ALS2CL: variants seen among roughly 807,000 people sequenced by gnomAD.
ALS2CL encodes the protein ALS2 C-terminal-like protein.
A neutral mutation model predicts 127.9 loss-of-function variants in ALS2CL; 112 were observed. The ratio of observed to expected loss-of-function variants is 0.88; its 90% CI spans 0.75 to 1.02. ALS2CL has a LOEUF of 1.02. ALS2CL is among the 50% of genes least tolerant of loss of function. The pLI, the probability that ALS2CL is intolerant of heterozygous loss-of-function variation, is 0.00. For missense variants in ALS2CL, 1,174 were observed against 1,236.7 expected (o/e 0.95, Z 0.76); for synonymous variants, 519 against 527.6 (o/e 0.98, Z 0.22).
intron 19 of ALS2CL, chr3:46,675,918 T>C: frequency 7.0e-7 from 1 of 1,430,186 alleles, no homozygotes; most frequent in Non-Finnish European, 9.1e-7. Flanking sequence ...CAGTGTTTCA[T>C]GGGGTCACAG....
intron 6 of ALS2CL, among the ~76,000 whole-genome samples, chr3:46,685,887 C>T (rs1699730912): frequency 6.6e-6 from 1 of 152,216 alleles, no homozygotes. Flanking sequence ...TATCAGTCCT[C>T]TCCCAGTACT....
At chr3:46,692,103 C>G (rs1222925238) in intron 1 of ALS2CL, among the ~76,000 whole-genome samples, 1 of 152,116 alleles carries the variant, frequency 6.6e-6, no homozygotes, top group East Asian at 1.9e-4. Context: ...GAGGAACGGG[C>G]AGAAGTTAAG....
Position 46,685,622 on chromosome 3 carries a change from T to G in ALS2CL, c.689A>C (p.His230Pro). Residue 230 changes from histidine to proline, a missense_variant, in exon 7 of 26, where the codon CAC becomes CCC. His to Pro is a moderately conservative substitution (Grantham distance 77). Transcript: ENST00000318962. The stretch of plus-strand genomic sequence containing the variant: ...GTCCTGGCTGTCCTGAAGGAGTCTG[T>G]GAGCAGGGGTGCAGAGCACATCCTG... ...RLRDVLCTPA[H>P]RLLQDSQDVP... 1.9e-6 allele frequency: 3 copies of G among 1,613,740 alleles called. No homozygotes were observed. The highest frequency in any genetic ancestry group is 1.7e-4 in the Middle Eastern group (1 of 6,032).
At chr3:46,678,037 CA>C (rs1234967591) in intron 16 of ALS2CL, among the ~76,000 whole-genome samples, 1 of 148,234 alleles carries the variant, frequency 6.7e-6, no homozygotes, top group Non-Finnish European at 1.5e-5. Context: ...GCAAAGCCTA[CA>C]AATAATATTT....
rs1193004411 is a variant in ALS2CL, at chr3:46,675,698, T to C, written c.2187-12A>G. On this transcript the variant is annotated splice_polypyrimidine_tract_variant and intron_variant, in intron 19 of 25. Transcript: ENST00000318962. The stretch of plus-strand genomic sequence containing the variant: ...CTCGCAGCAGACCCCTGTGAGTCAA[T>C]GAGAGAGAAATGGTGTGGCTGCCCC... 1.2e-6 allele frequency: 2 copies of C among 1,613,166 alleles called. No homozygotes were observed. The highest frequency in any genetic ancestry group is 1.1e-5 in the South Asian group (1 of 91,086).
At chr3:46,684,740 C>T (rs1353567241) in intron 7 of ALS2CL, among the ~76,000 whole-genome samples, 1 of 152,176 alleles carries the variant, frequency 6.6e-6, no homozygotes, top group African/African-American at 2.4e-5. Context: ...AGAGGGCTAG[C>T]ACAGGGAAGG....
chr3:46,673,212 TCCCA>T, intron 22 of ALS2CL, 123 bp downstream of exon 22: 1 of 785,426 alleles, frequency 1.3e-6, no homozygotes, highest in Non-Finnish European at 1.9e-6. Context: ...CAGTGTCTCC[TCCCA>T]ACCCACCCTG....
At chr3:46,676,510 G>C in intron 18 of ALS2CL, 108 bp from the exon 19 acceptor site, 2 of 1,544,136 alleles carry the variant, frequency 1.3e-6, no homozygotes, top group Non-Finnish European at 1.8e-6. Flanking sequence ...CGAGAACACT[G>C]AGGTCCTCTG....
chr3:46,685,469 G>A, intron 7 of ALS2CL, 56 bp downstream of exon 7: 1 of 1,591,604 alleles, frequency 6.3e-7, no homozygotes, highest in Non-Finnish European at 8.6e-7. Flanking sequence ...TCCTTTTCCA[G>A]CCAGACCCCA....
chr3:46,671,465 G>T, intron 25 of ALS2CL, 23 bp downstream of exon 25: 1 of 1,613,540 alleles, frequency 6.2e-7, no homozygotes, highest in Non-Finnish European at 8.5e-7. Flanking sequence ...TTTCCACCTC[G>T]GTCCACAGCC....
chr3:46,679,404 C>T (rs1257328963), intron 14 of ALS2CL, 117 bp from the exon 15 acceptor site: 2 of 889,544 alleles, frequency 2.2e-6, no homozygotes, highest in Non-Finnish European at 3.5e-6. Flanking sequence ...GCGAGAGGGG[C>T]CCTGAGCCTC....
chr3:46,679,159 C>T (rs767009162), intron 15 of ALS2CL, 51 bp downstream of exon 15: 1 of 1,514,756 alleles, frequency 6.6e-7, no homozygotes, highest in South Asian at 1.2e-5. Flanking sequence ...AGATTACAGA[C>T]ACCAACCAAG....
chr3:46,677,337 G>C (rs532423710), intron 16 of ALS2CL: 14 of 1,161,670 alleles, frequency 1.2e-5, no homozygotes, highest in Non-Finnish European at 1.5e-5. Flanking sequence ...GTCCAAGAGA[G>C]ACCAGTGTCC....
chr3:46,680,226 C>G (rs1327125952), intron 14 of ALS2CL: 2 of 575,576 alleles, frequency 3.5e-6, no homozygotes, highest in African/African-American at 1.9e-5. Context: ...GATGGGGAAA[C>G]CAAGGTCAGG....
Position 46,671,603 on chromosome 3 carries a change from C to G in ALS2CL, c.2685-19G>C. ...CTGAATTCTGGAGAACACCGCCCCA[C>G]CAAGAGAGCGAGGGAGACAAGGAGA... On this transcript the variant is annotated intron_variant, in intron 24 of 25. Transcript: ENST00000318962. 1 of 1,613,772 alleles carries G rather than the reference C, an allele frequency of 6.2e-7. No homozygotes were observed. Among genetic ancestry groups the G allele is most frequent in the East Asian group, 2.2e-5 (1 of 44,832 alleles).
At position 46,681,632 on chromosome 3, in the gene ALS2CL, C is replaced by T. The variant is rs1559472721; in HGVS notation, c.1176-34G>A. On this transcript the variant is annotated intron_variant, in intron 11 of 25. Coordinates refer to ENST00000318962, the MANE Select transcript of ALS2CL (RefSeq NM_147129.5). This position sits in a 1 kb window ranked among gnomAD's most constrained non-coding sequence, Gnocchi z 4.9. ...ATGGTTGTGGGGGTGGGGATCAGCC[C>T]TGACCTGAGACGCCCATTACACCTA... 1 of 1,608,710 alleles carries T rather than the reference C, an allele frequency of 6.2e-7. No individual in the cohort carries two copies. Among genetic ancestry groups the T allele is most frequent in the South Asian group, 1.1e-5 (1 of 90,836 alleles).
At position 46,689,404 on chromosome 3, in the gene ALS2CL, CCAGCCG is replaced by C. The variant is rs1395051292; in HGVS notation, c.31_36del (p.Arg11_Leu12del). On this transcript the variant is annotated inframe_deletion, in exon 2 of 26. Coordinates refer to ENST00000318962, the MANE Select transcript of ALS2CL (RefSeq NM_147129.5). ...GCGAGGGTGGCTGAGAAGACCTCCT[CCAGCCG>C]CAGCAGAGCTGCCTCCTCAGGGTTG... 5 of 1,611,984 alleles carry C rather than the reference CCAGCCG, an allele frequency of 3.1e-6. No homozygotes were observed. In the African/African-American group the frequency reaches 6.7e-5, roughly 22 times the overall value.
In ALS2CL at chr3:46,682,245, T is replaced by G. The variant is rs1018107576; in HGVS notation, c.1110-151A>C. ...TCTTGTCTGAGCTCCGAACATTCCT[T>G]GCAGAAAGCCCCTTTAGCCCTTTTC... On this transcript the variant is annotated intron_variant, in intron 10 of 25. Coordinates refer to ENST00000318962, the MANE Select transcript of ALS2CL (RefSeq NM_147129.5). 34 of 837,312 alleles carry G rather than the reference T, an allele frequency of 4.1e-5. No individual in the cohort carries two copies. The Admixed American group carries it at 7.1e-4, about 18-fold the overall frequency. The allele number at this position is 837,312 out of a possible 1,614,324, so 51.9% of individuals were successfully genotyped here.
intron 1 of ALS2CL, among the ~76,000 whole-genome samples, chr3:46,691,095 C>T (rs1700123208): frequency 6.6e-6 from 1 of 152,194 alleles, no homozygotes; most frequent in African/African-American, 2.4e-5. Context: ...CTGAGGCAGA[C>T]CCAGGCCCCC....
Sources: gnomAD v4.1 joint callset for allele counts (sites outside exome capture counted in the v4.1 genomes callset) on GRCh38, gnomAD v4.1.1 for gene constraint, Gnocchi (gnomAD v3.1) non-coding constraint, MANE v1.5 for transcripts, NCBI Gene and HGNC (gene_info 2026-07-23, HGNC 2026-07-21) for gene names.